AGA: variants seen among roughly 807,000 people sequenced by gnomAD.
AGA encodes aspartylglucosaminidase.
AGA carries 31 observed loss-of-function variants against 40.1 expected under a neutral mutation model. The observed-to-expected ratio is 0.77, with a 90% confidence interval of 0.58 to 1.04. The LOEUF is 1.04. Among genes scored for constraint, AGA ranks in the 50% least tolerant of loss-of-function variants. AGA has a pLI of 0.00. For synonymous variants in AGA, 148 were observed against 144.0 expected, an observed-to-expected ratio of 1.03 and a Z score of -0.20; for missense variants, 445 against 435.4, an observed-to-expected ratio of 1.02 and a Z score of -0.20.
rs748949544 is a variant in AGA, at chr4:177,434,500, G to A, written c.699-11C>T. On this transcript the variant is annotated splice_polypyrimidine_tract_variant and intron_variant, in intron 6 of 8. Transcript: ENST00000264595. ...GAGTCTCCTACACGGCTTTGAGAGG[G>A]TATTAACAATTTACGGCAGGAAATC... is the stretch of plus-strand genomic sequence containing the variant. 4 of 1,610,236 alleles carry A rather than the reference G, an allele frequency of 2.5e-6. No individual in the cohort carries two copies. Among genetic ancestry groups the A allele is most frequent in the Non-Finnish European group, 3.4e-6 (4 of 1,176,506 alleles).
Position 177,432,810 on chromosome 4 carries a change from C to T in AGA, c.940+404G>A, listed in dbSNP as rs565201329. Among the ~76,000 whole-genome samples, 675 of 151,822 alleles carry T rather than the reference C, an allele frequency of 4.4e-3. 6 individuals are homozygous for T. Among genetic ancestry groups the T allele is most frequent in the Admixed American group, 8.4e-3 (128 of 15,226 alleles). On this transcript the variant is annotated intron_variant, in intron 8 of 8. Coordinates refer to ENST00000264595, the MANE Select transcript of AGA (RefSeq NM_000027.4). ...AGTAATACATTTTGTTCTTTGGAGC[C>T]CCGAGAAGATCTAAATGGCTGAGGC...
At chr4:177,439,554 T>A in intron 3 of AGA, 22 bp downstream of exon 3, 2 of 1,542,808 alleles carry the variant, frequency 1.3e-6, no homozygotes, top group Non-Finnish European at 1.8e-6. Flanking sequence ...TAGAAAAAAT[T>A]TCAGTGTAGT....
intron 7 of AGA, among the ~76,000 whole-genome samples, chr4:177,434,161 A>AT (rs2111008388): frequency 6.6e-6 from 1 of 151,818 alleles, no homozygotes; most frequent in Non-Finnish European, 1.5e-5. Flanking sequence ...GCCCAGCTAA[A>AT]TTTTTTGTAT....
chr4:177,440,535 G>C, intron 1 of AGA, 109 bp from the exon 2 acceptor site: 1 of 1,234,944 alleles, frequency 8.1e-7, no homozygotes, highest in Non-Finnish European at 1.1e-6. Context: ...ACTGAGTTAA[G>C]CTGATTTTTT....
rs754837208 is a variant in AGA at position 177,442,356 on chromosome 4, A to G, written c.20T>C (p.Leu7Ser). The G allele has an allele frequency of 1.9e-6, 3 of 1,614,056 alleles. No individual in the cohort carries two copies. In the South Asian group the frequency reaches 3.3e-5, roughly 18 times the overall value. The change falls in exon 1 of 9, where the codon TTG becomes TCG. Residue 7 changes from leucine to serine, a missense_variant. Leu to Ser is a moderately radical substitution (Grantham distance 145). Transcript: ENST00000264595. ...CAGAAACGGCACGAGAAGCACAGGC[A>G]AGTTCGACTTCCGCGCCATCCCTGA... Reference protein sequence around the residue: MARKSNLPVLLVPFLLC... With the variant: MARKSNSPVLLVPFLLC...
rs544107883 is a variant in AGA, at chr4:177,433,442, C to A, written c.807-95G>T. ...TTAGAAATTAAAACCACCAAAATTG[C>A]CACATGTGATAGAATACACATAAAT... On this transcript the variant is annotated intron_variant, in intron 7 of 8. Transcript: ENST00000264595. 4.3e-5 allele frequency: 62 copies of A among 1,445,174 alleles called. No individual in the cohort carries two copies. The South Asian group carries it at 6.6e-4, about 15-fold the overall frequency. The allele number at this position is 1,445,174 out of a possible 1,614,324, so 89.5% of individuals were successfully genotyped here.
intron 5 of AGA, 80 bp downstream of exon 5, chr4:177,437,325 C>A (rs987496865): frequency 1.0e-5 from 10 of 977,870 alleles, no homozygotes; most frequent in Non-Finnish European, 1.3e-5. Context: ...AAATCAACTT[C>A]TGGTAGAAGA....
At position 177,433,348 on chromosome 4, in the gene AGA, C is replaced by G; in HGVS notation, c.807-1G>C. The G allele has an allele frequency of 6.2e-7, 1 of 1,613,956 alleles. No individual in the cohort carries two copies. ...TCTCATGTATTCTACAGCTTGGTAG[C>G]TGATTGAAACAGAGGTGAAACCTTA... is the stretch of plus-strand genomic sequence containing the variant. On this transcript the variant is annotated splice_acceptor_variant, in intron 7 of 8. Coordinates refer to ENST00000264595, the MANE Select transcript of AGA (RefSeq NM_000027.4). LOFTEE classifies it high-confidence loss of function.
Position 177,434,375 on chromosome 4 carries a change from G to T in AGA, c.806+7C>A, listed in dbSNP as rs1736729836. 6.2e-7 allele frequency: 1 copy of T among 1,612,208 alleles called. No homozygotes were observed. The highest frequency in any genetic ancestry group is 1.3e-5 in the African/African-American group (1 of 74,864). ...GTCTCTAAAATTCACAAACTAAGAA[G>T]TCATACCTTGGCAGGAAGCGCATCA... On this transcript the variant is annotated splice_region_variant and intron_variant, in intron 7 of 8. Transcript: ENST00000264595.
rs1737041338 is a variant in AGA, at chr4:177,442,115, G to A, written c.127+134C>T. ...GCTGGAGACTCGGGAAGACCTAGAG[G>A]GCGGGACCGCGAGGCCCGGCCCAGC... is the stretch of plus-strand genomic sequence containing the variant. On this transcript the variant is annotated intron_variant, in intron 1 of 8. Transcript: ENST00000264595. 25 of 1,330,590 alleles carry A rather than the reference G, an allele frequency of 1.9e-5. No homozygotes were observed. In the South Asian group the frequency reaches 3.3e-4, roughly 18 times the overall value. The allele number at this position is 1,330,590 out of a possible 1,614,324, so 82.4% of individuals were successfully genotyped here.
intron 5 of AGA, 111 bp from the exon 6 acceptor site, chr4:177,436,462 C>G (rs1037981735): frequency 2.2e-6 from 2 of 896,540 alleles, no homozygotes; most frequent in African/African-American, 3.3e-5. Context: ...TTGTGTTCCC[C>G]CAAATTCATG....
intron 8 of AGA, 108 bp from the exon 9 acceptor site, chr4:177,431,916 G>A (rs1736647964): frequency 1.1e-6 from 1 of 900,784 alleles, no homozygotes; most frequent in South Asian, 1.4e-5. Flanking sequence ...TATACCTTAT[G>A]TCTAAGCCAC....
In AGA at chr4:177,434,397, A is replaced by G. The variant is rs1404090170; in HGVS notation, c.791T>C (p.Met264Thr). 1 of 1,614,138 alleles carries G rather than the reference A, an allele frequency of 6.2e-7. No homozygotes were observed. The highest frequency in any genetic ancestry group is 1.7e-5 in the Admixed American group (1 of 60,030). ...GAAGTCATACCTTGGCAGGAAGCGC[A>G]TCAATATATCACCATTCCCAGTGGC... ...AAATGNGDIL[M>T]RFLPSYQAVE... Residue 264 changes from methionine (M) to threonine (T), a missense_variant, in exon 7 of 9, where the codon ATG becomes ACG. Physicochemically the swap from Met to Thr is moderately conservative, Grantham distance 81. Transcript: ENST00000264595.
chr4:177,442,129 G>C, intron 1 of AGA, 120 bp downstream of exon 1: 1 of 1,445,248 alleles, frequency 6.9e-7, no homozygotes, highest in South Asian at 1.3e-5. Context: ...GGACCGCGAG[G>C]CCCGGCCCAG....
At chr4:177,434,914 T>TC (rs1350529091) in intron 6 of AGA, among the ~76,000 whole-genome samples, 1 of 151,694 alleles carries the variant, frequency 6.6e-6, no homozygotes, top group Non-Finnish European at 1.5e-5. Flanking sequence ...ATTTTTTTTT[T>TC]TTGAGACAGG....
At chr4:177,435,388 T>C (rs1223211028) in intron 6 of AGA, among the ~76,000 whole-genome samples, 7 of 152,138 alleles carry the variant, frequency 4.6e-5, no homozygotes, top group Admixed American at 4.6e-4. Context: ...TAAAAGAACT[T>C]GTTATCAGCC....
In AGA at chr4:177,442,330, G is replaced by C. The variant is rs1304530458; in HGVS notation, c.46C>G (p.Leu16Val). The C allele has an allele frequency of 6.2e-7, 1 of 1,614,012 alleles. No homozygotes were observed. Among genetic ancestry groups the C allele is most frequent in the African/African-American group, 1.3e-5 (1 of 74,946 alleles). ...NLPVLLVPFL[L>V]CQALVRCSSP... The stretch of plus-strand genomic sequence containing the variant: ...GAGCAGCGCACTAGGGCCTGGCAGA[G>C]CAGAAACGGCACGAGAAGCACAGGC... Residue 16 changes from leucine to valine, a missense_variant, in exon 1 of 9, where the codon CTC (leucine) becomes GTC (valine). By Grantham distance (32) the Leu-to-Val change is conservative. Coordinates refer to ENST00000264595, the MANE Select transcript of AGA (RefSeq NM_000027.4).
chr4:177,433,178 A>C, intron 8 of AGA, 36 bp downstream of exon 8: 1 of 1,613,498 alleles, frequency 6.2e-7, no homozygotes, highest in Non-Finnish European at 8.5e-7. Context: ...AAATATTTGG[A>C]AGTTCACACA....
rs745924498 is a variant in AGA at position 177,437,512 on chromosome 4, A to G, written c.515T>C (p.Ile172Thr). The G allele has an allele frequency of 1.2e-5, 19 of 1,600,316 alleles. No homozygotes were observed. Among genetic ancestry groups the G allele is most frequent in the Middle Eastern group, 1.7e-4 (1 of 6,048 alleles). The change falls in exon 5 of 9, where the codon ATA becomes ACA. Residue 172 changes from isoleucine (I) to threonine (T), a missense_variant. Physicochemically the swap from Ile to Thr is moderately conservative, Grantham distance 89. Coordinates refer to ENST00000264595, the MANE Select transcript of AGA (RefSeq NM_000027.4). Reference protein sequence around the residue: ...NCQPNYWRNVIPDPSKYCGPY... With the variant: ...NCQPNYWRNVTPDPSKYCGPY... ...TCCGCAGTATTTTGAGGGATCTGGTATAACATTCTGTAAACAAGATTTAAG... is the reference window on the plus strand; with the variant it reads ...TCCGCAGTATTTTGAGGGATCTGGTGTAACATTCTGTAAACAAGATTTAAG...
Sources: gnomAD v4.1 joint callset for allele counts (sites outside exome capture counted in the v4.1 genomes callset) on GRCh38, gnomAD v4.1.1 for gene constraint, MANE v1.5 for transcripts, NCBI Gene and HGNC (gene_info 2026-07-23, HGNC 2026-07-21) for gene names.